Variants in GPC6 observed in about 807,000 individuals in gnomAD.
The protein encoded by GPC6 is glypican-6.
A neutral mutation model predicts 55.2 loss-of-function variants in GPC6; 14 were observed. The observed-to-expected ratio is 0.25, with a 90% CI of 0.17 to 0.40. The LOEUF is 0.40. GPC6 is among the 10% of genes least tolerant of loss of function. GPC6 has a pLI of 1.00. For synonymous variants in GPC6, 278 were observed against 259.6 expected (o/e 1.07, Z -0.68); for missense variants, 641 against 708.5 (o/e 0.90, Z 1.08).
intron 1 of GPC6, among the ~76,000 whole-genome samples, chr13:93,308,374 G>A (rs1476364315): frequency 1.3e-5 from 2 of 152,152 alleles, no homozygotes; most frequent in Non-Finnish European, 2.9e-5. Context: ...AGTAACTGGT[G>A]CATAGCAAGT....
chr13:94,187,441 A>G (rs1889239721), intron 4 of GPC6: 1 of 152,210 alleles, frequency 6.6e-6, no homozygotes, highest in African/African-American at 2.4e-5. Context: ...TTTTTTTAGC[A>G]TAAAGCATTC....
intron 6 of GPC6, among the ~76,000 whole-genome samples, chr13:94,366,444 C>G (rs1879291110): frequency 6.6e-6 from 1 of 152,102 alleles, no homozygotes; most frequent in East Asian, 1.9e-4. Flanking sequence ...CAAAGAACTT[C>G]CAAAAGGTTT....
In GPC6 at chr13:93,809,600, A is replaced by G. The variant is rs559410590; in HGVS notation, c.320-20554A>G. Among the ~76,000 whole-genome samples, 16 of 152,302 alleles carry G rather than the reference A, an allele frequency of 1.1e-4. No individual in the cohort carries two copies. In the South Asian group the frequency reaches 2.9e-3, roughly 28 times the overall value. ...TTCTCGCTGAACCTGGAACATTTGC[A>G]CATATGTGCCCACTACCACTTCTCC... is the stretch of plus-strand genomic sequence containing the variant. On this transcript the variant is annotated intron_variant, in intron 2 of 8. Coordinates refer to ENST00000377047, the MANE Select transcript of GPC6 (RefSeq NM_005708.5).
chr13:93,627,696 A>AT (rs142639026), intron 2 of GPC6, among the ~76,000 whole-genome samples: 63,333 of 151,874 alleles, frequency 0.42, 14,940 homozygotes, highest in Middle Eastern at 0.63. Flanking sequence ...GGTTTCTATT[A>AT]TTTTCTCTGT....
At chr13:93,324,575 C>CACATACATACATATATATATAT (rs1879575894) in intron 1 of GPC6, among the ~76,000 whole-genome samples, 1 of 104,914 alleles carries the variant, frequency 9.5e-6, no homozygotes, top group African/African-American at 4.5e-5. Flanking sequence ...TATATATACA[C>CACATACATACATATATATATAT]ACACATACAT....
At chr13:93,526,742 T>G (rs1881660335) in intron 1 of GPC6, among the ~76,000 whole-genome samples, 1 of 152,102 alleles carries the variant, frequency 6.6e-6, no homozygotes. Flanking sequence ...TTCAAGACCC[T>G]TTTCCATTAA....
intron 1 of GPC6, among the ~76,000 whole-genome samples, chr13:93,355,397 C>T (rs187950162): frequency 3.9e-5 from 6 of 152,108 alleles, no homozygotes; most frequent in Admixed American, 3.9e-4. Context: ...CTGTATTATT[C>T]CAGTCAAGTC....
intron 2 of GPC6, among the ~76,000 whole-genome samples, chr13:93,715,019 T>G (rs1163817481): frequency 4.0e-5 from 6 of 151,586 alleles, no homozygotes; most frequent in Admixed American, 4.0e-4. Context: ...AAGGTCAGTT[T>G]TGCTGCCATC....
intron 3 of GPC6, among the ~76,000 whole-genome samples, chr13:93,917,741 G>A (rs1877361803): frequency 6.6e-6 from 1 of 152,174 alleles, no homozygotes; most frequent in Admixed American, 6.5e-5. Flanking sequence ...CCAGCCACAT[G>A]AGAACCCTGG....
At chr13:93,514,046 G>A (rs567703912) in intron 1 of GPC6, among the ~76,000 whole-genome samples, 1 of 151,840 alleles carries the variant, frequency 6.6e-6, no homozygotes, top group East Asian at 1.9e-4. Context: ...GCTAATTTTT[G>A]TATTTTTAGT....
chr13:93,642,587 AT>A (rs1879999955), intron 2 of GPC6, among the ~76,000 whole-genome samples: 1 of 152,016 alleles, frequency 6.6e-6, no homozygotes, highest in Admixed American at 6.6e-5. Flanking sequence ...TTTTTCAAGT[AT>A]TTCATTTTTA....
chr13:93,659,295 A>G (rs958162647), intron 2 of GPC6, among the ~76,000 whole-genome samples: 5 of 151,918 alleles, frequency 3.3e-5, no homozygotes, highest in African/African-American at 1.2e-4. Context: ...TGGTCTAAAG[A>G]TACCAGCAAT....
At chr13:93,600,964 A>C (rs1437264189) in intron 2 of GPC6, among the ~76,000 whole-genome samples, 2 of 150,342 alleles carry the variant, frequency 1.3e-5, no homozygotes, top group African/African-American at 2.5e-5. Context: ...AAAAAAAAAA[A>C]AAGAAAAAAA....
chr13:94,120,642 G>A (rs1402415034), intron 4 of GPC6, among the ~76,000 whole-genome samples: 1 of 151,946 alleles, frequency 6.6e-6, no homozygotes, highest in South Asian at 2.1e-4. Flanking sequence ...AGAATTGATC[G>A]TAGTATTGTT....
At chr13:93,246,200 ACT>A (rs1021850312) in intron 1 of GPC6, among the ~76,000 whole-genome samples, 8 of 152,254 alleles carry the variant, frequency 5.3e-5, no homozygotes, top group African/African-American at 1.9e-4. Context: ...AGAGCTGGTC[ACT>A]CTGCATTTTG....
At chr13:93,239,932 T>G (rs1255595904) in intron 1 of GPC6, among the ~76,000 whole-genome samples, 1 of 152,092 alleles carries the variant, frequency 6.6e-6, no homozygotes, top group Non-Finnish European at 1.5e-5. Flanking sequence ...CACATATTTG[T>G]ATAGTTTTGG....
At chr13:93,472,972 A>G (rs145704792) in intron 1 of GPC6, among the ~76,000 whole-genome samples, 4 of 152,274 alleles carry the variant, frequency 2.6e-5, no homozygotes, top group East Asian at 3.9e-4. Context: ...CAAAGGAGAG[A>G]GGGTAGCTCC....
At chr13:93,952,626 T>A (rs1879300517) in intron 3 of GPC6, among the ~76,000 whole-genome samples, 1 of 150,302 alleles carries the variant, frequency 6.7e-6, no homozygotes, top group African/African-American at 2.4e-5. Context: ...TATGTATGTG[T>A]CTGTATATAT....
chr13:93,850,419 C>G (rs1335810824), intron 3 of GPC6, among the ~76,000 whole-genome samples: 1 of 151,890 alleles, frequency 6.6e-6, no homozygotes, highest in African/African-American at 2.4e-5. Flanking sequence ...TATGGGGACC[C>G]TTTGACCTTA....
Sources: gnomAD v4.1 joint callset for allele counts (sites outside exome capture counted in the v4.1 genomes callset) on GRCh38, gnomAD v4.1.1 for gene constraint, MANE v1.5 for transcripts, NCBI Gene and HGNC (gene_info 2026-07-23, HGNC 2026-07-21) for gene names.